GRK5: variants seen among roughly 807,000 people sequenced by gnomAD.
The protein encoded by GRK5 is G protein-coupled receptor kinase 5, also known as g protein-coupled receptor kinase GRK5.
A neutral mutation model predicts 78.4 loss-of-function variants in GRK5; 40 were observed. That is an observed-to-expected ratio of 0.51 (90% CI 0.40 to 0.66). The LOEUF is 0.66. Among genes scored for constraint, GRK5 ranks in the 30% least tolerant of loss-of-function variants. GRK5 has a pLI of 0.00. For synonymous variants in GRK5, 289 were observed against 296.8 expected (o/e 0.97, Z 0.27); for missense variants, 598 against 759.9 (o/e 0.79, Z 2.50).
chr10:119,245,569 A>G (rs1849094088), intron 1 of GRK5, among the ~76,000 whole-genome samples: 3 of 152,202 alleles, frequency 2.0e-5, no homozygotes, highest in Admixed American at 1.3e-4. Context: ...AGAAATTTAT[A>G]GTAGTCAAAC....
At chr10:119,367,706 T>C (rs548848013) in intron 2 of GRK5, among the ~76,000 whole-genome samples, 2 of 152,162 alleles carry the variant, frequency 1.3e-5, no homozygotes, top group South Asian at 2.1e-4. Context: ...TGATAAAGAG[T>C]ATTGGATGCT....
intron 2 of GRK5, among the ~76,000 whole-genome samples, chr10:119,369,061 C>T (rs982768028): frequency 6.6e-6 from 1 of 152,198 alleles, no homozygotes; most frequent in African/African-American, 2.4e-5. Context: ...GGGCCGGGCA[C>T]TGATCCAGGT....
At chr10:119,407,322 A>G (rs59633084) in intron 4 of GRK5, among the ~76,000 whole-genome samples, 1 of 152,336 alleles carries the variant, frequency 6.6e-6, no homozygotes, top group African/African-American at 2.4e-5. Flanking sequence ...GGGGCTTTCT[A>G]TAACTCTGTG....
intron 14 of GRK5, 111 bp from the exon 15 acceptor site, chr10:119,453,034 G>T: frequency 2.3e-6 from 2 of 867,488 alleles, no homozygotes; most frequent in Admixed American, 1.8e-5. Context: ...CCTGGAGGGC[G>T]TGTGGCTCAG....
At chr10:119,376,348 G>T (rs1158512707) in intron 2 of GRK5, among the ~76,000 whole-genome samples, 1 of 152,142 alleles carries the variant, frequency 6.6e-6, no homozygotes, top group African/African-American at 2.4e-5. Flanking sequence ...TATAAGATGT[G>T]TCCCTTCCCA....
chr10:119,299,320 T>A (rs1185764471), intron 1 of GRK5, among the ~76,000 whole-genome samples: 1 of 151,676 alleles, frequency 6.6e-6, no homozygotes. Context: ...GGCGGGCACC[T>A]GTAATTCCAG....
chr10:119,261,452 C>T (rs749827814), intron 1 of GRK5, among the ~76,000 whole-genome samples: 2,987 of 133,332 alleles, frequency 0.022, 49 homozygotes, highest in Admixed American at 0.06. Flanking sequence ...ACATCCCAGA[C>T]GATGGGCGGC....
intron 10 of GRK5, among the ~76,000 whole-genome samples, chr10:119,441,323 T>C (rs1342802360): frequency 1.3e-5 from 2 of 152,034 alleles, no homozygotes; most frequent in East Asian, 3.9e-4. Flanking sequence ...CTGGTGTCCA[T>C]AGGCAGGGAA....
At chr10:119,390,016 C>G (rs1479672317) in intron 3 of GRK5, among the ~76,000 whole-genome samples, 1 of 152,132 alleles carries the variant, frequency 6.6e-6, no homozygotes, top group Admixed American at 6.5e-5. Flanking sequence ...TCACTTAGAA[C>G]AAAAAGAGTA....
chr10:119,353,932 CTTTTTTTTTT>C, intron 2 of GRK5, among the ~76,000 whole-genome samples: 1 of 108,742 alleles, frequency 9.2e-6, no homozygotes, highest in Non-Finnish European at 1.8e-5. Context: ...TTTTTTCTTT[CTTTTTTTTTT>C]TTTTTTTTTT....
At chr10:119,295,712 C>T (rs1346008554) in intron 1 of GRK5, among the ~76,000 whole-genome samples, 1 of 150,750 alleles carries the variant, frequency 6.6e-6, no homozygotes, top group African/African-American at 2.4e-5. Context: ...GAATGGAAAA[C>T]CAAACATCGT....
intron 4 of GRK5, among the ~76,000 whole-genome samples, chr10:119,410,413 G>T (rs1484566895): frequency 6.6e-6 from 1 of 152,172 alleles, no homozygotes; most frequent in East Asian, 1.9e-4. Context: ...TTCAAACCCA[G>T]TCCATTTTAT....
intron 2 of GRK5, chr10:119,330,133 G>C (rs1296867480): frequency 6.6e-6 from 1 of 152,142 alleles, no homozygotes; most frequent in African/African-American, 2.4e-5. Flanking sequence ...AAAGTGTTGG[G>C]ATTACAGGTG....
chr10:119,440,192 T>A (rs1162699975), intron 10 of GRK5, among the ~76,000 whole-genome samples: 2 of 151,958 alleles, frequency 1.3e-5, no homozygotes, highest in Non-Finnish European at 2.9e-5. Flanking sequence ...AGGAAGAGGG[T>A]GGTGGAGAGG....
chr10:119,455,327 C>A lies in GRK5; in HGVS notation c.*260C>A. The A allele has an allele frequency of 1.5e-6, 1 of 662,374 alleles. No individual in the cohort carries two copies. Among genetic ancestry groups the A allele is most frequent in the South Asian group, 1.5e-5 (1 of 65,198 alleles). 41.0% of individuals were successfully genotyped at this position (662,374 alleles called of 1,614,324 possible). ...ATTGCAATAGAAATCCAATTGGATACGACAACTTGCACGTATTTTAATAGC... is the reference window on the plus strand; with the variant it reads ...ATTGCAATAGAAATCCAATTGGATAAGACAACTTGCACGTATTTTAATAGC... On this transcript the variant is annotated 3_prime_UTR_variant, in exon 16 of 16. Coordinates refer to ENST00000392870, the MANE Select transcript of GRK5 (RefSeq NM_005308.3).
At chr10:119,306,920 T>TA (rs1850281122) in intron 1 of GRK5, among the ~76,000 whole-genome samples, 1 of 151,942 alleles carries the variant, frequency 6.6e-6, no homozygotes, top group Non-Finnish European at 1.5e-5. Context: ...GGGGGTTGCC[T>TA]AAAAAAATGC....
intron 1 of GRK5, among the ~76,000 whole-genome samples, chr10:119,229,665 C>T (rs1848795221): frequency 6.6e-6 from 1 of 152,160 alleles, no homozygotes; most frequent in Non-Finnish European, 1.5e-5. Flanking sequence ...ATGATCAACT[C>T]CATTACAAAG....
rs545065455 is a variant in GRK5, at chr10:119,358,013, G to C, written c.149-22802G>C. On this transcript the variant is annotated intron_variant, in intron 2 of 15. Transcript: ENST00000392870. ...CATCAATCACACCCAAAGGGGAGAG[G>C]CCTCAGTATGGAAAGTATGTGAGCC... Among the ~76,000 whole-genome samples the C allele has an allele frequency of 7.9e-5, 12 of 152,324 alleles. No individual in the cohort carries two copies. In the East Asian group the frequency reaches 2.1e-3, roughly 27 times the overall value.
intron 1 of GRK5, among the ~76,000 whole-genome samples, chr10:119,210,802 A>G (rs1278125180): frequency 6.6e-6 from 1 of 152,244 alleles, no homozygotes; most frequent in Admixed American, 6.5e-5. Context: ...CCTTGAAGAA[A>G]GACAGGCACA....
Sources: allele counts gnomAD v4.1 joint callset (sites outside exome capture counted in the v4.1 genomes callset), GRCh38; gene constraint gnomAD v4.1.1; transcripts MANE v1.5; gene names NCBI Gene and HGNC (gene_info 2026-07-23, HGNC 2026-07-21).